The following ADGB variants were observed in gnomAD, a reference collection of about 807,000 sequenced individuals.
The protein encoded by ADGB is androglobin.
In ADGB, 172 loss-of-function variants were observed where a neutral mutation model predicts 210.5. The observed-to-expected ratio is 0.82, with a 90% CI of 0.72 to 0.93. The LOEUF is 0.93. Among genes scored for constraint, ADGB ranks in the 40% least tolerant of loss-of-function variants. The probability of loss-of-function intolerance (pLI) is 0.00; values close to 1 mark genes in which losing one functional copy is unlikely to be tolerated. For synonymous variants in ADGB, 658 were observed against 662.7 expected, an observed-to-expected ratio of 0.99 and a Z score of 0.11; for missense variants, 2,025 against 1,964.8, an observed-to-expected ratio of 1.03 and a Z score of -0.58.
intron 14 of ADGB, 146 bp from the exon 15 acceptor site, chr6:146,716,737 C>T (rs1776741381): frequency 1.6e-6 from 1 of 627,306 alleles, no homozygotes. Flanking sequence ...CTGTGTGGAC[C>T]TCCATAAATG....
chr6:146,764,206 A>C, intron 28 of ADGB, 106 bp downstream of exon 28: 1 of 913,868 alleles, frequency 1.1e-6, no homozygotes, highest in Non-Finnish European at 1.6e-6. Context: ...AGTGCTGCCA[A>C]TGTATAGCCA....
intron 2 of ADGB, among the ~76,000 whole-genome samples, chr6:146,636,198 T>C (rs1562261018): frequency 6.6e-6 from 1 of 152,076 alleles, no homozygotes; most frequent in Non-Finnish European, 1.5e-5. Context: ...ACCTATTTAT[T>C]GGGTGCAACA....
intron 13 of ADGB, among the ~76,000 whole-genome samples, chr6:146,703,717 T>C (rs986157264): frequency 2.0e-5 from 3 of 151,944 alleles, no homozygotes; most frequent in African/African-American, 7.2e-5. Flanking sequence ...GATGGACAAT[T>C]AGTTTGATTT....
Position 146,692,848 on chromosome 6 carries a change from C to A in ADGB, c.1510C>A (p.Arg504=). The change falls in exon 12 of 36, where the codon CGG becomes AGG. Residue 504 remains arginine (R), a synonymous_variant. Transcript: ENST00000397944. ...AQELIVKKPE[R]FLEISSPFLN... is the part of the protein sequence containing the mutation. ...AGAGTTAATAGTAAAGAAGCCTGAA[C>A]GGTTCCTTGAGATTTCAAGTCCATT... 1 of 1,537,754 alleles carries A rather than the reference C, an allele frequency of 6.5e-7. No individual in the cohort carries two copies. Among genetic ancestry groups the A allele is most frequent in the Non-Finnish European group, 8.8e-7 (1 of 1,138,718 alleles).
At chr6:146,616,427 A>C (rs1466294165) in intron 1 of ADGB, among the ~76,000 whole-genome samples, 1 of 151,886 alleles carries the variant, frequency 6.6e-6, no homozygotes, top group African/African-American at 2.4e-5. Flanking sequence ...TTTTATCTTG[A>C]TATAATCCCA....
At chr6:146,712,184 G>T (rs1457251969) in intron 13 of ADGB, among the ~76,000 whole-genome samples, 1 of 149,898 alleles carries the variant, frequency 6.7e-6, no homozygotes, top group Non-Finnish European at 1.5e-5. Flanking sequence ...GTTTTGTTTT[G>T]TTTTTTTTTG....
chr6:146,726,167 T>C lies in ADGB; in HGVS notation c.2322T>C (p.Asp774=). The change falls in exon 19 of 36, where the codon GAT becomes GAC. Residue 774 remains aspartate (D), a synonymous_variant. Coordinates refer to ENST00000397944, the MANE Select transcript of ADGB (RefSeq NM_024694.4). ...ICSMVSFVIG[D]EHVVLPNFEP... ...GCATGGTGTCATTTGTCATTGGGGA[T>C]GAACACGTTGTACTGCCCAACTTTG... 6.5e-7 allele frequency: 1 copy of C among 1,549,632 alleles called. No homozygotes were observed. Among genetic ancestry groups the C allele is most frequent in the Non-Finnish European group, 8.7e-7 (1 of 1,145,026 alleles).
intron 10 of ADGB, among the ~76,000 whole-genome samples, chr6:146,689,391 G>A (rs1776272129): frequency 6.6e-6 from 1 of 152,040 alleles, no homozygotes; most frequent in Non-Finnish European, 1.5e-5. Context: ...ATAAAATGAA[G>A]TATGTAGAAT....
At chr6:146,708,766 A>G (rs963630076) in intron 13 of ADGB, among the ~76,000 whole-genome samples, 6 of 152,006 alleles carry the variant, frequency 3.9e-5, no homozygotes, top group Non-Finnish European at 1.5e-5. Flanking sequence ...AGATTTGAGA[A>G]GTTTTCTGCT....
rs559049739 is a variant in ADGB at position 146,694,307 on chromosome 6, C to T, written c.1577+1392C>T. 1.9e-4 allele frequency among the ~76,000 whole-genome samples: 29 copies of T among 152,262 alleles called. 1 individual carries two copies. The highest frequency in any genetic ancestry group is 5.5e-4 in the African/African-American group (23 of 41,542). On this transcript the variant is annotated intron_variant, in intron 12 of 35. Coordinates refer to ENST00000397944, the MANE Select transcript of ADGB (RefSeq NM_024694.4). The stretch of plus-strand genomic sequence containing the variant: ...GAGGCTGGGAAGTCCAAGAACTGCA[C>T]GCCAGCAGAGTCAATTTCTGGCAAG...
intron 3 of ADGB, among the ~76,000 whole-genome samples, chr6:146,651,656 A>G (rs923401148): frequency 2.0e-5 from 3 of 152,126 alleles, no homozygotes; most frequent in African/African-American, 7.2e-5. Flanking sequence ...TGGCCTGATA[A>G]TGGTAGACTA....
chr6:146,613,467 C>T (rs1005280259), intron 1 of ADGB, among the ~76,000 whole-genome samples: 1 of 152,124 alleles, frequency 6.6e-6, no homozygotes, highest in Non-Finnish European at 1.5e-5. Context: ...GAGTAAATTT[C>T]CTCCCTCTGT....
Position 146,811,457 on chromosome 6 carries a change from T to A in ADGB, c.4819-3575T>A, listed in dbSNP as rs1476171994. ...TTTGTGTGTTTATATATATATATAT[T>A]CAGGATATTCAGGTAGTGTGTGTAA... is the stretch of plus-strand genomic sequence containing the variant. On this transcript the variant is annotated intron_variant, in intron 35 of 35. Coordinates refer to ENST00000397944, the MANE Select transcript of ADGB (RefSeq NM_024694.4). Among the ~76,000 whole-genome samples, 3 of 143,094 alleles carry A rather than the reference T, an allele frequency of 2.1e-5. No homozygotes were observed. The East Asian group carries it at 6.3e-4, about 30-fold the overall frequency. 93.9% of individuals were successfully genotyped at this position (143,094 alleles called of 152,430 possible). A position where few individuals can be genotyped will look rare whatever the true frequency, so the allele number is the denominator to read the frequency against.
At chr6:146,759,702 A>C (rs1777459561) in intron 27 of ADGB, among the ~76,000 whole-genome samples, 1 of 151,810 alleles carries the variant, frequency 6.6e-6, no homozygotes, top group South Asian at 2.1e-4. Context: ...GAATGGGTGC[A>C]TGCATTGTTA....
At chr6:146,789,865 A>G (rs963109040) in intron 33 of ADGB, among the ~76,000 whole-genome samples, 3 of 152,180 alleles carry the variant, frequency 2.0e-5, no homozygotes, top group Non-Finnish European at 4.4e-5. Flanking sequence ...TTTGGCTAGA[A>G]CCTGGACTTA....
chr6:146,790,862 A>C (rs562580861), intron 33 of ADGB, among the ~76,000 whole-genome samples: 3 of 152,120 alleles, frequency 2.0e-5, no homozygotes, highest in Non-Finnish European at 4.4e-5. Flanking sequence ...GTTATCTCTC[A>C]TCTTTTTTTA....
Position 146,741,118 on chromosome 6 carries a change from A to T in ADGB, c.3024A>T (p.Arg1008Ser). Residue 1008 changes from arginine (R) to serine (S), a missense_variant and splice_region_variant, in exon 25 of 36, where the codon AGA (arginine) becomes AGT (serine). Arg to Ser is a moderately radical substitution (Grantham distance 110). Transcript: ENST00000397944. ...QPPNSWFIVFRETFLVHQDMI... is the reference protein window; with the variant it reads ...QPPNSWFIVFSETFLVHQDMI... ...AAAGTTCATGCTTTTGTAATTACAG[A>T]GAAACATTTTTGGTTCATCAAGACA... 6.6e-7 allele frequency: 1 copy of T among 1,511,642 alleles called. No homozygotes were observed. The highest frequency in any genetic ancestry group is 8.9e-7 in the Non-Finnish European group (1 of 1,129,664). The allele number at this position is 1,511,642 out of a possible 1,614,324, so 93.6% of individuals were successfully genotyped here. A position where few individuals can be genotyped will look rare whatever the true frequency, so the allele number is the denominator to read the frequency against.
At chr6:146,770,643 T>C in intron 29 of ADGB, 1 of 464,282 alleles carries the variant, frequency 2.2e-6, no homozygotes, top group Admixed American at 2.4e-5. Context: ...CCTGGCCTGC[T>C]GTGTGGGCAA....
intron 13 of ADGB, among the ~76,000 whole-genome samples, chr6:146,708,810 C>T (rs919287732): frequency 6.6e-6 from 1 of 152,066 alleles, no homozygotes; most frequent in East Asian, 1.9e-4. Context: ...ACTCCTTTGT[C>T]TCTCTTTTGT....
Sources: allele counts gnomAD v4.1 joint callset (sites outside exome capture counted in the v4.1 genomes callset), GRCh38; gene constraint gnomAD v4.1.1; transcripts MANE v1.5; gene names NCBI Gene and HGNC (gene_info 2026-07-23, HGNC 2026-07-21).